The following BCL7A variants were observed in gnomAD, a reference collection of about 807,000 sequenced individuals.
BCL7A encodes the protein B-cell CLL/lymphoma 7 protein family member A.
BCL7A carries 11 observed loss-of-function variants against 28.4 expected under a neutral mutation model. The observed-to-expected ratio is 0.39, with a 90% CI of 0.24 to 0.64. The LOEUF (loss-of-function observed/expected upper bound fraction) is 0.64, where lower values mean the gene tolerates loss of function less well. BCL7A is among the 30% of genes least tolerant of loss of function. BCL7A has a pLI of 0.50. For missense variants in BCL7A, 222 were observed against 274.8 expected, an observed-to-expected ratio of 0.81 and a Z score of 1.36; for synonymous variants, 123 against 103.3, an observed-to-expected ratio of 1.19 and a Z score of -1.15.
intron 1 of BCL7A, among the ~76,000 whole-genome samples, chr12:122,023,000 A>G (rs1883506145): frequency 1.3e-5 from 2 of 152,012 alleles, no homozygotes; most frequent in East Asian, 1.9e-4. Context: ...TGTTTTGCGG[A>G]GGGAGCTGTT....
At chr12:122,057,533 G>A (rs1165793571) in intron 5 of BCL7A, among the ~76,000 whole-genome samples, 1 of 152,096 alleles carries the variant, frequency 6.6e-6, no homozygotes, top group African/African-American at 2.4e-5. Context: ...CCGGGTTGGA[G>A]GGGGGGTGCG....
chr12:122,031,065 C>T (rs943485994), intron 2 of BCL7A, among the ~76,000 whole-genome samples: 3 of 152,052 alleles, frequency 2.0e-5, no homozygotes, highest in Non-Finnish European at 4.4e-5. Flanking sequence ...CTCACTCTGC[C>T]GCCCAGGCTG....
intron 5 of BCL7A, among the ~76,000 whole-genome samples, chr12:122,057,779 T>C (rs1951888796): frequency 6.6e-6 from 1 of 152,088 alleles, no homozygotes; most frequent in African/African-American, 2.4e-5. Flanking sequence ...CACACACACA[T>C]ATGTGTATAC....
At position 122,055,012 on chromosome 12, in the gene BCL7A, A is replaced by G. The variant is rs777398581; in HGVS notation, c.561+86A>G. ...GGGGTACGTTGAAAGGTGTTTCGTC[A>G]TTGTGTTTTGTTGTTTTGTCGTTGG... On this transcript the variant is annotated intron_variant, in intron 5 of 5. Transcript: ENST00000261822. The G allele has an allele frequency of 2.5e-6, 4 of 1,609,764 alleles. No individual in the cohort carries two copies. In the Admixed American group the frequency reaches 5.1e-5, roughly 20 times the overall value.
chr12:122,022,426 C>T (rs1306448597), intron 1 of BCL7A, among the ~76,000 whole-genome samples: 1 of 143,934 alleles, frequency 6.9e-6, no homozygotes, highest in Admixed American at 6.8e-5. Flanking sequence ...GCGCGGCGGC[C>T]CGGAGGCGGC....
intron 1 of BCL7A, among the ~76,000 whole-genome samples, chr12:122,026,349 T>G (rs1883630172): frequency 1.3e-5 from 2 of 151,590 alleles, no homozygotes; most frequent in Non-Finnish European, 2.9e-5. Flanking sequence ...AGGCTAAGCC[T>G]GGAGGATCAC....
intron 3 of BCL7A, among the ~76,000 whole-genome samples, chr12:122,036,284 C>A (rs575257526): frequency 2.6e-5 from 4 of 152,248 alleles, no homozygotes; most frequent in African/African-American, 9.6e-5. Flanking sequence ...GTAGTCCTGG[C>A]TCCTTGGGAG....
At chr12:122,022,928 T>G (rs1168681214) in intron 1 of BCL7A, among the ~76,000 whole-genome samples, 3 of 152,146 alleles carry the variant, frequency 2.0e-5, no homozygotes, top group East Asian at 1.9e-4. Flanking sequence ...CCAGCCGATG[T>G]TTTTGGCCAG....
chr12:122,034,774 A>G (rs576446595), intron 2 of BCL7A, among the ~76,000 whole-genome samples: 2 of 151,436 alleles, frequency 1.3e-5, no homozygotes, highest in South Asian at 4.2e-4. Context: ...GAATGGCACG[A>G]AAAGCATCCC....
chr12:122,038,001 A>G (rs530179952), intron 3 of BCL7A, among the ~76,000 whole-genome samples: 2 of 152,050 alleles, frequency 1.3e-5, no homozygotes, highest in African/African-American at 4.8e-5. Context: ...GGCACCTGTA[A>G]TCCCAGCTGC....
intron 4 of BCL7A, among the ~76,000 whole-genome samples, chr12:122,049,556 C>T (rs1299184419): frequency 6.6e-6 from 1 of 152,090 alleles, no homozygotes; most frequent in Non-Finnish European, 1.5e-5. Context: ...GTGGTGCATA[C>T]TTGTAATGCC....
intron 4 of BCL7A, among the ~76,000 whole-genome samples, chr12:122,053,573 T>A (rs931175612): frequency 2.6e-5 from 4 of 152,166 alleles, no homozygotes; most frequent in Non-Finnish European, 5.9e-5. Context: ...CAGGGTACCA[T>A]GGTGTCCGGG....
At chr12:122,022,802 C>T (rs557168767) in intron 1 of BCL7A, among the ~76,000 whole-genome samples, 1 of 151,792 alleles carries the variant, frequency 6.6e-6, no homozygotes, top group South Asian at 2.1e-4. Context: ...CTGCCTGGAG[C>T]GAGGGCTCTC....
intron 2 of BCL7A, among the ~76,000 whole-genome samples, chr12:122,033,844 C>T (rs566240819): frequency 6.6e-6 from 1 of 152,154 alleles, no homozygotes; most frequent in African/African-American, 2.4e-5. Context: ...TTTCATCACC[C>T]TAAAAAAGGA....
Position 122,059,547 on chromosome 12 carries a change from A to C in BCL7A, c.*384A>C. 4.0e-6 allele frequency: 1 copy of C among 249,484 alleles called. No homozygotes were observed. Among genetic ancestry groups the C allele is most frequent in the Non-Finnish European group, 7.8e-6 (1 of 128,104 alleles). 15.5% of individuals were successfully genotyped at this position (249,484 alleles called of 1,614,324 possible). A position where few individuals can be genotyped will look rare whatever the true frequency, so the allele number is the denominator to read the frequency against. ...GGAACGCTTTTTGGCGGGGCTTTCC[A>C]CTGTTCAACCGATTCCTTCCGCTTT... On this transcript the variant is annotated 3_prime_UTR_variant, in exon 6 of 6. Transcript: ENST00000261822. The surrounding 1 kb of genome is among the most constrained non-coding windows in gnomAD (Gnocchi z 4.0).
At chr12:122,037,647 C>T (rs544813764) in intron 3 of BCL7A, among the ~76,000 whole-genome samples, 2 of 152,076 alleles carry the variant, frequency 1.3e-5, no homozygotes, top group African/African-American at 4.8e-5. Flanking sequence ...GAAACCCTGT[C>T]TCTACTAAAA....
chr12:122,026,498 A>AG (rs1883633226), intron 1 of BCL7A, among the ~76,000 whole-genome samples: 1 of 152,208 alleles, frequency 6.6e-6, no homozygotes, highest in Non-Finnish European at 1.5e-5. Flanking sequence ...ACCTGGTCTG[A>AG]GGGTTCCCTC....
At chr12:122,049,033 A>ATATATAT (rs1410918154) in intron 4 of BCL7A, among the ~76,000 whole-genome samples, 121 of 58,656 alleles carry the variant, frequency 2.1e-3, no homozygotes, top group Admixed American at 0.013. Context: ...AAAAAAAAAA[A>ATATATAT]AAATATATAT....
chr12:122,053,694 C>G (rs1884246362), intron 4 of BCL7A, among the ~76,000 whole-genome samples: 1 of 147,080 alleles, frequency 6.8e-6, no homozygotes, highest in South Asian at 2.3e-4. Context: ...CCCACCCCCC[C>G]GCCCCATCCA....
Sources: gnomAD v4.1 joint callset for allele counts (sites outside exome capture counted in the v4.1 genomes callset) on GRCh38, gnomAD v4.1.1 for gene constraint, Gnocchi (gnomAD v3.1) non-coding constraint, MANE v1.5 for transcripts, NCBI Gene and HGNC (gene_info 2026-07-23, HGNC 2026-07-21) for gene names.